The following GULP1 variants were observed in gnomAD, a reference collection of about 807,000 sequenced individuals.
GULP1 encodes PTB domain-containing engulfment adapter protein 1.
In GULP1, 19 loss-of-function variants were observed where a neutral mutation model predicts 40.9. The observed-to-expected ratio is 0.46, with a 90% CI of 0.32 to 0.68. The LOEUF is 0.68. Among genes scored for constraint, GULP1 ranks in the 30% least tolerant of loss-of-function variants. The probability of loss-of-function intolerance (pLI) is 0.03; values close to 1 mark genes in which losing one functional copy is unlikely to be tolerated. For synonymous variants in GULP1, 119 were observed against 117.6 expected (o/e 1.01, Z -0.08); for missense variants, 312 against 362.2 (o/e 0.86, Z 1.12).
intron 1 of GULP1, among the ~76,000 whole-genome samples, chr2:188,329,041 T>A (rs1318661959): frequency 1.3e-5 from 2 of 152,140 alleles, no homozygotes; most frequent in Non-Finnish European, 2.9e-5. Flanking sequence ...TTATTCTCAC[T>A]GTATTTATTC....
intron 2 of GULP1, among the ~76,000 whole-genome samples, chr2:188,409,811 C>T (rs543099292): frequency 1.2e-4 from 19 of 152,176 alleles, no homozygotes; most frequent in African/African-American, 3.4e-4. Context: ...TCAACATATA[C>T]GCATGTAATA....
At chr2:188,335,089 ATG>A (rs1390058860) in intron 1 of GULP1, among the ~76,000 whole-genome samples, 2 of 152,252 alleles carry the variant, frequency 1.3e-5, no homozygotes, top group Non-Finnish European at 2.9e-5. Flanking sequence ...TTTGATTAAA[ATG>A]TAATGTTTAA....
intron 2 of GULP1, among the ~76,000 whole-genome samples, chr2:188,463,232 T>G (rs2059853607): frequency 6.6e-6 from 1 of 152,170 alleles, no homozygotes; most frequent in Admixed American, 6.5e-5. Context: ...AGCTTTTGTT[T>G]GTCTGGTAAA....
intron 1 of GULP1, among the ~76,000 whole-genome samples, chr2:188,295,110 A>C (rs186999279): frequency 6.6e-6 from 1 of 152,330 alleles, no homozygotes; most frequent in East Asian, 1.9e-4. Context: ...ATTTATACAC[A>C]AGACCAGTTA....
intron 11 of GULP1, chr2:188,591,757 G>A (rs1353702372): frequency 2.0e-5 from 3 of 148,936 alleles, no homozygotes; most frequent in Non-Finnish European, 3.0e-5. Flanking sequence ...TGTATAGATA[G>A]AAAAAAAGAC....
At chr2:188,553,419 A>G (rs1693992628) in intron 7 of GULP1, among the ~76,000 whole-genome samples, 1 of 151,982 alleles carries the variant, frequency 6.6e-6, no homozygotes, top group African/African-American at 2.4e-5. Context: ...GTCTATTGAG[A>G]TGATTATTTT....
chr2:188,375,019 G>A (rs1407259022), intron 1 of GULP1, among the ~76,000 whole-genome samples: 1 of 152,154 alleles, frequency 6.6e-6, no homozygotes, highest in Non-Finnish European at 1.5e-5. Flanking sequence ...TTCGATTGCT[G>A]AAGAAGGGCC....
At chr2:188,304,856 T>C (rs1330641037) in intron 1 of GULP1, among the ~76,000 whole-genome samples, 6 of 152,234 alleles carry the variant, frequency 3.9e-5, no homozygotes, top group African/African-American at 1.4e-4. Flanking sequence ...TCCTCTGCTC[T>C]CATACAACAA....
At chr2:188,499,464 A>G (rs924845722) in intron 4 of GULP1, among the ~76,000 whole-genome samples, 1 of 151,584 alleles carries the variant, frequency 6.6e-6, no homozygotes, top group Non-Finnish European at 1.5e-5. Context: ...GAAATTACAT[A>G]TGTCATTTAG....
At chr2:188,537,235 G>A (rs1173781655) in intron 6 of GULP1, among the ~76,000 whole-genome samples, 1 of 152,012 alleles carries the variant, frequency 6.6e-6, no homozygotes, top group Non-Finnish European at 1.5e-5. Context: ...GAATAGGAGT[G>A]ATGAGAGTGG....
chr2:188,311,609 G>T (rs905065158), intron 1 of GULP1, among the ~76,000 whole-genome samples: 3 of 151,744 alleles, frequency 2.0e-5, no homozygotes, highest in African/African-American at 7.3e-5. Context: ...AATATGAGTA[G>T]ATGTATCCAA....
At chr2:188,522,606 A>G (rs1685132992) in intron 4 of GULP1, 150 bp from the exon 5 acceptor site, 1 of 226,372 alleles carries the variant, frequency 4.4e-6, no homozygotes, top group Non-Finnish European at 8.6e-6. Flanking sequence ...TTCATATAAT[A>G]TAAAAATAAT....
chr2:188,503,676 C>T (rs2063647067), intron 4 of GULP1, among the ~76,000 whole-genome samples: 1 of 151,784 alleles, frequency 6.6e-6, no homozygotes, highest in Admixed American at 6.6e-5. Flanking sequence ...GATTGGACAC[C>T]CCTGATTTAA....
At chr2:188,507,598 A>G (rs976469560) in intron 4 of GULP1, among the ~76,000 whole-genome samples, 2 of 151,954 alleles carry the variant, frequency 1.3e-5, no homozygotes, top group Non-Finnish European at 2.9e-5. Flanking sequence ...AATGAAAACA[A>G]TCAAATTAAT....
At chr2:188,488,948 G>C (rs2062101049) in intron 4 of GULP1, among the ~76,000 whole-genome samples, 1 of 151,908 alleles carries the variant, frequency 6.6e-6, no homozygotes, top group Admixed American at 6.6e-5. Context: ...TTAATGAAGA[G>C]AGAAAGTTAC....
At chr2:188,468,188 T>G (rs1477016669) in intron 2 of GULP1, among the ~76,000 whole-genome samples, 8 of 152,158 alleles carry the variant, frequency 5.3e-5, no homozygotes, top group African/African-American at 1.9e-4. Context: ...ATCTTTGATG[T>G]CATTATTAGC....
At chr2:188,535,752 G>A (rs559996301) in intron 6 of GULP1, among the ~76,000 whole-genome samples, 1 of 152,264 alleles carries the variant, frequency 6.6e-6, no homozygotes, top group South Asian at 2.1e-4. Flanking sequence ...ACTGTTTTAA[G>A]TTCCTTGGGA....
rs200132545 is a variant in GULP1 at position 188,389,153 on chromosome 2, G to A, written c.-45+5264G>A. Reference sequence around the variant, plus strand: ...GAAATGGGGAAAACAGAGTAAAAGCGGGTTTTGTTATTGTTGGTAAAATTT... The same window carrying A: ...GAAATGGGGAAAACAGAGTAAAAGCAGGTTTTGTTATTGTTGGTAAAATTT... On this transcript the variant is annotated intron_variant, in intron 2 of 11. Coordinates refer to ENST00000409830, the MANE Select transcript of GULP1 (RefSeq NM_016315.4). Among the ~76,000 whole-genome samples, 32 of 152,200 alleles carry A rather than the reference G, an allele frequency of 2.1e-4. No individual in the cohort carries two copies. The East Asian group carries it at 2.1e-3, about 10-fold the overall frequency.
intron 10 of GULP1, among the ~76,000 whole-genome samples, chr2:188,587,452 C>G (rs992835830): frequency 2.8e-4 from 43 of 152,162 alleles, no homozygotes; most frequent in African/African-American, 1.0e-3. Context: ...TATTGCTTTA[C>G]TATTGTGTTG....
Sources: gnomAD v4.1 joint callset for allele counts (sites outside exome capture counted in the v4.1 genomes callset) on GRCh38, gnomAD v4.1.1 for gene constraint, MANE v1.5 for transcripts, NCBI Gene and HGNC (gene_info 2026-07-23, HGNC 2026-07-21) for gene names.